Variants in GSTM4 observed in about 807,000 individuals in gnomAD.
GSTM4 encodes the protein glutathione S-transferase mu 4.
GSTM4 carries 27 observed loss-of-function variants against 30.1 expected under a neutral mutation model. The ratio of observed to expected loss-of-function variants is 0.90; its 90% CI spans 0.66 to 1.24. GSTM4 has a LOEUF of 1.24. Ranked by LOEUF, GSTM4 falls within the 50% of genes most tolerant of loss-of-function variation. GSTM4 has a pLI of 0.00. For missense variants in GSTM4, 238 were observed against 272.1 expected (o/e 0.87, Z 0.88); for synonymous variants, 94 against 96.2 (o/e 0.98, Z 0.13).
chr1:109,667,667 T>G (rs1216219442), downstream of GSTM4, among the ~76,000 whole-genome samples: 1 of 152,264 alleles, frequency 6.6e-6, no homozygotes. Context: ...ATCTCTATCA[T>G]ACATTGAAAA....
rs374734127 is a variant in GSTM4 at position 109,656,480 on chromosome 1, G to A, written c.36+55G>A. On this transcript the variant is annotated intron_variant, in intron 1 of 7. Coordinates refer to ENST00000369836, the MANE Select transcript of GSTM4 (RefSeq NM_000850.5). ...CGGGCGCGTGGGCGGGAAGTGCCGA[G>A]CGGCTGGGGACCGGCTCTAGGGACG... 3.4e-5 allele frequency: 55 copies of A among 1,600,112 alleles called. No individual in the cohort carries two copies. In the African/African-American group the frequency reaches 5.5e-4, roughly 16 times the overall value.
At chr1:109,667,163 G>A (rs1476535418), downstream of GSTM4, among the ~76,000 whole-genome samples, 1 of 150,294 alleles carries the variant, frequency 6.7e-6, no homozygotes, top group African/African-American at 2.4e-5. Flanking sequence ...GACCAGTGGT[G>A]TGCTGGATGG....
At chr1:109,658,946 C>A in intron 6 of GSTM4, 37 bp downstream of exon 6, 1 of 1,611,122 alleles carries the variant, frequency 6.2e-7, no homozygotes, top group Non-Finnish European at 8.5e-7. Flanking sequence ...TAGAGATTTG[C>A]CATACATCCT....
chr1:109,658,263 G>A (rs541078463), intron 5 of GSTM4: 22 of 243,134 alleles, frequency 9.0e-5, no homozygotes, highest in Admixed American at 1.5e-4. Flanking sequence ...GTGGAATTCC[G>A]TGCTATTCTT....
At chr1:109,664,341 C>CTTTTTTTTT (rs77855995), downstream of GSTM4, among the ~76,000 whole-genome samples, 384 of 35,754 alleles carry the variant, frequency 0.011, 129 homozygotes, top group East Asian at 0.093. Context: ...GAGAGAATAG[C>CTTTTTTTTT]TTTTTTTTTT....
At chr1:109,657,368 A>T in intron 3 of GSTM4, 89 bp downstream of exon 3, 2 of 1,556,818 alleles carry the variant, frequency 1.3e-6, no homozygotes, top group Non-Finnish European at 1.8e-6. Flanking sequence ...TGTTCGGATC[A>T]GGAGTCTTCT....
chr1:109,667,630 T>C (rs930485367), downstream of GSTM4, among the ~76,000 whole-genome samples: 2 of 152,266 alleles, frequency 1.3e-5, no homozygotes, highest in African/African-American at 4.8e-5. Flanking sequence ...AGGTCTGTCA[T>C]GCCACGTATG....
chr1:109,663,643 G>A (rs570275830), downstream of GSTM4, among the ~76,000 whole-genome samples: 8 of 152,018 alleles, frequency 5.3e-5, no homozygotes, highest in Non-Finnish European at 1.0e-4. Context: ...CTCCAGCCTG[G>A]GCGACAGAGC....
downstream of GSTM4, among the ~76,000 whole-genome samples, chr1:109,667,381 G>C (rs1557956891): frequency 1.3e-5 from 2 of 151,366 alleles, no homozygotes; most frequent in African/African-American, 4.9e-5. Context: ...AAAGACCTCT[G>C]ATTACCCCAG....
chr1:109,657,933 A>G (rs1652112774), intron 5 of GSTM4, 61 bp downstream of exon 5: 10 of 1,459,324 alleles, frequency 6.9e-6, no homozygotes, highest in Non-Finnish European at 9.6e-6. Context: ...CTCTGGTCCT[A>G]TTCACAATTT....
intron 7 of GSTM4, chr1:109,660,672 T>C (rs1433391500): frequency 5.9e-6 from 1 of 170,138 alleles, no homozygotes; most frequent in African/African-American, 2.4e-5. Context: ...GAATGTTGTG[T>C]AGTCAGAGAG....
intron 5 of GSTM4, 116 bp from the exon 6 acceptor site, chr1:109,658,697 CT>C (rs1402035138): frequency 2.4e-5 from 18 of 757,052 alleles, no homozygotes; most frequent in Non-Finnish European, 3.3e-5. Context: ...CCAGTTCCAG[CT>C]GTGGGGAAGA....
downstream of GSTM4, among the ~76,000 whole-genome samples, chr1:109,663,744 T>C (rs1570623579): frequency 6.6e-6 from 1 of 152,244 alleles, no homozygotes; most frequent in African/African-American, 2.4e-5. Context: ...CATGCTCATA[T>C]GTCTTACATT....
At chr1:109,659,774 T>A (rs1047012320) in intron 7 of GSTM4, 3 of 534,970 alleles carry the variant, frequency 5.6e-6, no homozygotes, top group Non-Finnish European at 1.0e-5. Flanking sequence ...TTTTTTCCTC[T>A]CTTTTTTCCC....
intron 7 of GSTM4, 152 bp from the exon 8 acceptor site, chr1:109,661,013 G>A (rs1443286078): frequency 2.2e-6 from 2 of 927,810 alleles, no homozygotes; most frequent in African/African-American, 3.4e-5. Flanking sequence ...CCGCAAATCT[G>A]GGGACCCTAA....
At chr1:109,667,036 G>A (rs538876756), downstream of GSTM4, among the ~76,000 whole-genome samples, 141 of 152,220 alleles carry the variant, frequency 9.3e-4, no homozygotes, top group African/African-American at 3.1e-3. Context: ...AGGGTGTTCA[G>A]CATCCTACGC....
intron 3 of GSTM4, 153 bp from the exon 4 acceptor site, chr1:109,657,437 A>C: frequency 1.4e-6 from 2 of 1,432,728 alleles, no homozygotes; most frequent in South Asian, 2.3e-5. Context: ...TCTGTGTCCC[A>C]GCTCATTTGT....
rs1216995462 is a variant in GSTM4 at position 109,661,412 on chromosome 1, CT to C, written c.*160del. The C allele has an allele frequency of 6.7e-5, 100 of 1,502,796 alleles. No homozygotes were observed. The highest frequency in any genetic ancestry group is 1.1e-4 in the South Asian group (8 of 75,418). The allele number at this position is 1,502,796 out of a possible 1,614,324, so 93.1% of individuals were successfully genotyped here. On this transcript the variant is annotated 3_prime_UTR_variant, in exon 8 of 8. Coordinates refer to ENST00000369836, the MANE Select transcript of GSTM4 (RefSeq NM_000850.5). ...CCCAAGACTTTATTGGGCCTCTTCA[CT>C]TCCCCTAAACCCCTGTCCCATGCAG...
At position 109,657,262 on chromosome 1, in the gene GSTM4, G is replaced by A. The variant is rs1640375863; in HGVS notation, c.160G>A (p.Gly54Ser). ...GTGGCTGAATGAAAAATTCAAGCTG[G>A]GCCTGGACTTTCCCAATGTAGGTGC... ...SQWLNEKFKL[G>S]LDFPNLPYLI... Residue 54 changes from glycine (G) to serine (S), a missense_variant, in exon 3 of 8, where the codon GGC (glycine) becomes AGC (serine). Gly to Ser is a moderately conservative substitution (Grantham distance 56). Coordinates refer to ENST00000369836, the MANE Select transcript of GSTM4 (RefSeq NM_000850.5). The A allele has an allele frequency of 1.2e-6, 2 of 1,612,506 alleles. No homozygotes were observed. Among genetic ancestry groups the A allele is most frequent in the African/African-American group, 1.3e-5 (1 of 74,978 alleles).
Sources: gnomAD v4.1 joint callset for allele counts (sites outside exome capture counted in the v4.1 genomes callset) on GRCh38, gnomAD v4.1.1 for gene constraint, MANE v1.5 for transcripts, NCBI Gene and HGNC (gene_info 2026-07-23, HGNC 2026-07-21) for gene names.